The following MTUS2 variants were observed in gnomAD, a reference collection of about 807,000 sequenced individuals.
MTUS2 encodes microtubule associated scaffold protein 2.
MTUS2 carries 40 observed loss-of-function variants against 114.1 expected under a neutral mutation model. The observed-to-expected ratio is 0.35, with a 90% CI of 0.27 to 0.46. The LOEUF (loss-of-function observed/expected upper bound fraction) is 0.46, where lower values mean the gene tolerates loss of function less well. Ranked by LOEUF, MTUS2 falls within the 20% of genes least tolerant of loss-of-function variation. The probability of loss-of-function intolerance (pLI) is 1.00; values close to 1 mark genes in which losing one functional copy is unlikely to be tolerated. For synonymous variants in MTUS2, 688 were observed against 672.0 expected, an observed-to-expected ratio of 1.02 and a Z score of -0.37; for missense variants, 1,679 against 1,705.4, an observed-to-expected ratio of 0.98 and a Z score of 0.27.
chr13:29,372,968 A>G (rs6490396), intron 8 of MTUS2, among the ~76,000 whole-genome samples: 70,350 of 152,158 alleles, frequency 0.46, 19,465 homozygotes, highest in East Asian at 0.66. Flanking sequence ...TGGGCAGATT[A>G]GAAAGAAGAG....
At chr13:29,077,899 C>T (rs540305336) in intron 4 of MTUS2, among the ~76,000 whole-genome samples, 23 of 152,046 alleles carry the variant, frequency 1.5e-4, no homozygotes, top group Non-Finnish European at 2.6e-4. Context: ...ATTACAGAGT[C>T]ATTAAAAGGA....
At chr13:28,951,843 C>T (rs778968510) in intron 2 of MTUS2, among the ~76,000 whole-genome samples, 5 of 151,882 alleles carry the variant, frequency 3.3e-5, no homozygotes, top group Admixed American at 6.6e-5. Flanking sequence ...ATCCCAAGCA[C>T]GATGATTAGG....
At chr13:29,374,210 T>TA (rs1402878721) in intron 8 of MTUS2, among the ~76,000 whole-genome samples, 1 of 148,316 alleles carries the variant, frequency 6.7e-6, no homozygotes, top group Non-Finnish European at 1.5e-5. Context: ...CAGACAATTT[T>TA]AAAAAGGTCT....
intron 8 of MTUS2, among the ~76,000 whole-genome samples, chr13:29,368,039 C>T (rs374537607): frequency 2.7e-4 from 41 of 151,456 alleles, no homozygotes; most frequent in African/African-American, 9.2e-4. Flanking sequence ...TCCGGGTTCA[C>T]ACCATTCTCC....
At chr13:29,376,415 G>GT (rs1182070801) in intron 8 of MTUS2, among the ~76,000 whole-genome samples, 1 of 152,066 alleles carries the variant, frequency 6.6e-6, no homozygotes, top group East Asian at 1.9e-4. Flanking sequence ...TATTTGAGAT[G>GT]TAGTCAAAAA....
At chr13:29,145,868 C>T (rs550627353) in intron 5 of MTUS2, among the ~76,000 whole-genome samples, 1 of 152,270 alleles carries the variant, frequency 6.6e-6, no homozygotes, top group East Asian at 1.9e-4. Context: ...GTTTTGGAAG[C>T]AAGCACAACC....
intron 8 of MTUS2, among the ~76,000 whole-genome samples, chr13:29,436,721 C>T (rs1269089194): frequency 6.6e-6 from 1 of 151,984 alleles, no homozygotes; most frequent in East Asian, 1.9e-4. Context: ...TCTGCTTCCC[C>T]AAATGGAGAT....
intron 5 of MTUS2, among the ~76,000 whole-genome samples, chr13:29,222,917 G>C (rs1168139673): frequency 6.6e-6 from 1 of 152,224 alleles, no homozygotes; most frequent in Non-Finnish European, 1.5e-5. Context: ...CAACATGCCA[G>C]CTCTGAGCTG....
In MTUS2 at chr13:29,488,237, G is replaced by GAAT. The variant is rs150195376; in HGVS notation, c.3505+233_3505+235dup. On this transcript the variant is annotated intron_variant, in intron 11 of 15. Transcript: ENST00000612955. The stretch of plus-strand genomic sequence containing the variant: ...TTATCCTCAACCTTGATGAATACTG[G>GAAT]AATTCCCCGTCCCCTGGGGAGCGGT... 1.4e-3 allele frequency: 727 copies of GAAT among 528,902 alleles called. 8 individuals carry two copies. In the East Asian group the frequency reaches 0.022, roughly 16 times the overall value. The allele number at this position is 528,902 out of a possible 1,614,324, so 32.8% of individuals were successfully genotyped here.
At chr13:29,135,030 T>C (rs1891921006) in intron 5 of MTUS2, among the ~76,000 whole-genome samples, 1 of 152,246 alleles carries the variant, frequency 6.6e-6, no homozygotes, top group South Asian at 2.1e-4. Flanking sequence ...ATGGACACTT[T>C]CAGAAATAAA....
chr13:29,146,914 G>T (rs1892459389), intron 5 of MTUS2, among the ~76,000 whole-genome samples: 1 of 152,142 alleles, frequency 6.6e-6, no homozygotes, highest in African/African-American at 2.4e-5. Flanking sequence ...TTTGTTGCAT[G>T]AATGAATAAA....
chr13:29,151,594 G>C (rs1593532244), intron 5 of MTUS2, among the ~76,000 whole-genome samples: 1 of 152,076 alleles, frequency 6.6e-6, no homozygotes, highest in South Asian at 2.1e-4. Context: ...GATGAGATTA[G>C]GCATCCTTAT....
At chr13:29,494,442 C>A (rs902420138) in intron 12 of MTUS2, among the ~76,000 whole-genome samples, 10 of 151,870 alleles carry the variant, frequency 6.6e-5, no homozygotes, top group African/African-American at 2.4e-4. Context: ...TATTTTAGAT[C>A]CATCCTATGT....
intron 5 of MTUS2, among the ~76,000 whole-genome samples, chr13:29,193,681 T>C (rs1234324310): frequency 1.3e-5 from 2 of 152,154 alleles, no homozygotes; most frequent in East Asian, 1.9e-4. Flanking sequence ...AGGTAATTTA[T>C]AGATTCAATG....
At chr13:29,226,326 G>C (rs532168857) in intron 5 of MTUS2, among the ~76,000 whole-genome samples, 2 of 152,232 alleles carry the variant, frequency 1.3e-5, no homozygotes, top group East Asian at 3.9e-4. Context: ...CTAAACTTAG[G>C]TGGCTTTTCA....
chr13:28,887,411 G>A (rs1479958266), intron 2 of MTUS2, among the ~76,000 whole-genome samples: 1 of 152,222 alleles, frequency 6.6e-6, no homozygotes, highest in Non-Finnish European at 1.5e-5. Flanking sequence ...GATACTTAGT[G>A]AGAGTCTGCT....
chr13:29,357,528 T>A (rs760193729), intron 7 of MTUS2, among the ~76,000 whole-genome samples: 1 of 152,168 alleles, frequency 6.6e-6, no homozygotes, highest in African/African-American at 2.4e-5. Context: ...GAAAAAAATA[T>A]CTATCTTTGG....
intron 2 of MTUS2, among the ~76,000 whole-genome samples, chr13:28,991,054 G>A (rs1324498268): frequency 6.6e-6 from 1 of 152,208 alleles, no homozygotes; most frequent in African/African-American, 2.4e-5. Context: ...GAACCACTTA[G>A]CAGAGAACTG....
At chr13:29,467,472 T>G (rs1319848089) in intron 9 of MTUS2, among the ~76,000 whole-genome samples, 1 of 152,164 alleles carries the variant, frequency 6.6e-6, no homozygotes, top group Non-Finnish European at 1.5e-5. Context: ...CCCCATGTAG[T>G]GTATTATATG....
Sources: allele counts gnomAD v4.1 joint callset (sites outside exome capture counted in the v4.1 genomes callset), GRCh38; gene constraint gnomAD v4.1.1; transcripts MANE v1.5; gene names NCBI Gene and HGNC (gene_info 2026-07-23, HGNC 2026-07-21).